CTNNBIP1: variants seen among roughly 807,000 people sequenced by gnomAD.
CTNNBIP1 encodes the protein beta-catenin-interacting protein 1.
In CTNNBIP1, 7 loss-of-function variants were observed where a neutral mutation model predicts 11.8. The ratio of observed to expected loss-of-function variants is 0.60; its 90% CI spans 0.34 to 1.12. CTNNBIP1 has a LOEUF of 1.12. Ranked by LOEUF, CTNNBIP1 falls within the 50% of genes most tolerant of loss-of-function variation. The pLI, the probability that CTNNBIP1 is intolerant of heterozygous loss-of-function variation, is 0.03. For missense variants in CTNNBIP1, 101 were observed against 113.4 expected (o/e 0.89, Z 0.50); for synonymous variants, 58 against 43.9 (o/e 1.32, Z -1.26).
At chr1:9,888,186 T>C (rs191010604) in intron 1 of CTNNBIP1, among the ~76,000 whole-genome samples, 389 of 152,006 alleles carry the variant, frequency 2.6e-3, no homozygotes, top group Non-Finnish European at 4.7e-3. Flanking sequence ...ATCCCAACGC[T>C]TTGGGAGGCT....
chr1:9,894,367 G>GC (rs901164757), intron 1 of CTNNBIP1, among the ~76,000 whole-genome samples: 79 of 152,268 alleles, frequency 5.2e-4, no homozygotes, highest in Non-Finnish European at 8.2e-4. Flanking sequence ...GTTTGGTTTT[G>GC]TTTTTTGAAA....
intron 1 of CTNNBIP1, among the ~76,000 whole-genome samples, chr1:9,888,540 A>C (rs1403136597): frequency 6.6e-6 from 1 of 151,460 alleles, no homozygotes; most frequent in Non-Finnish European, 1.5e-5. Flanking sequence ...TGACAGAGCA[A>C]GACTGCCTCA....
intron 5 of CTNNBIP1, among the ~76,000 whole-genome samples, chr1:9,868,140 C>T (rs1638786286): frequency 6.6e-6 from 1 of 152,220 alleles, no homozygotes; most frequent in South Asian, 2.1e-4. Context: ...GTGGCTCAGG[C>T]CCCGGCAGCC....
intron 5 of CTNNBIP1, among the ~76,000 whole-genome samples, chr1:9,863,413 C>T (rs552306777): frequency 6.6e-6 from 1 of 152,258 alleles, no homozygotes; most frequent in Non-Finnish European, 1.5e-5. Context: ...AGTCTGTTAC[C>T]GCCTGGAGCC....
At chr1:9,881,803 T>C (rs1639088513) in intron 2 of CTNNBIP1, among the ~76,000 whole-genome samples, 1 of 152,182 alleles carries the variant, frequency 6.6e-6, no homozygotes, top group Admixed American at 6.5e-5. Flanking sequence ...AAGGATTTAC[T>C]GAAACTTTTC....
intron 2 of CTNNBIP1, among the ~76,000 whole-genome samples, chr1:9,881,128 C>G (rs1639071566): frequency 6.6e-6 from 1 of 152,012 alleles, no homozygotes; most frequent in Non-Finnish European, 1.5e-5. Context: ...CTTGAACTCC[C>G]TAGCTCAAGC....
At position 9,884,759 on chromosome 1, in the gene CTNNBIP1, TG is replaced by T. The variant is rs1425898014; in HGVS notation, c.-143-1022del. 2.6e-5 allele frequency among the ~76,000 whole-genome samples: 4 copies of T among 152,050 alleles called. No individual in the cohort carries two copies. In the East Asian group the frequency reaches 5.8e-4, roughly 22 times the overall value. ...TAGCACACAGGAAAAAGACAGGTGC[TG>T]GGGCCAACCCGCGGGTGAGTGGGAA... On this transcript the variant is annotated intron_variant, in intron 1 of 5. Coordinates refer to ENST00000377263, the MANE Select transcript of CTNNBIP1 (RefSeq NM_020248.3).
rs925241390 is a variant in CTNNBIP1, at chr1:9,850,394, C to G, written c.*324G>C. ...GAGCTCGGAGAGCTTCCAGGGAAGCCAGATACCGAGGCGCAAATTTTTTAA... is the reference window on the plus strand; with the variant it reads ...GAGCTCGGAGAGCTTCCAGGGAAGCGAGATACCGAGGCGCAAATTTTTTAA... On this transcript the variant is annotated 3_prime_UTR_variant, in exon 6 of 6. Coordinates refer to ENST00000377263, the MANE Select transcript of CTNNBIP1 (RefSeq NM_020248.3). 1.3e-5 allele frequency: 3 copies of G among 238,252 alleles called. No individual in the cohort carries two copies. The highest frequency in any genetic ancestry group is 6.8e-5 in the African/African-American group (3 of 44,272). 14.8% of individuals were successfully genotyped at this position (238,252 alleles called of 1,614,324 possible). A position where few individuals can be genotyped will look rare whatever the true frequency, so the allele number is the denominator to read the frequency against.
intron 5 of CTNNBIP1, among the ~76,000 whole-genome samples, chr1:9,855,889 G>A (rs1376974638): frequency 6.6e-6 from 1 of 151,830 alleles, no homozygotes; most frequent in Non-Finnish European, 1.5e-5. Flanking sequence ...TGCTACACTC[G>A]GCTAATTAAT....
intron 5 of CTNNBIP1, among the ~76,000 whole-genome samples, chr1:9,858,040 G>C (rs1001526341): frequency 1.3e-5 from 2 of 151,994 alleles, no homozygotes; most frequent in Non-Finnish European, 2.9e-5. Flanking sequence ...GAAGTCCTGG[G>C]GTCTTCCCAA....
intron 1 of CTNNBIP1, among the ~76,000 whole-genome samples, chr1:9,891,522 C>T (rs1397726544): frequency 2.0e-5 from 3 of 152,180 alleles, no homozygotes; most frequent in Non-Finnish European, 4.4e-5. Context: ...GGATCGGCTG[C>T]AGGACTGTGC....
In CTNNBIP1 at chr1:9,850,630, A is replaced by AT; in HGVS notation, c.*87_*88insA. The stretch of plus-strand genomic sequence containing the variant: ...GGTAGGGGAAGGGGGAGGTGGGGCA[A>AT]GGGGGGCTGCTGCCACTCAGCCGGC... On this transcript the variant is annotated 3_prime_UTR_variant, in exon 6 of 6. Transcript: ENST00000377263. 8.6e-7 allele frequency: 1 copy of AT among 1,158,698 alleles called. No individual in the cohort carries two copies. Among genetic ancestry groups the AT allele is most frequent in the Admixed American group, 1.8e-5 (1 of 55,730 alleles). 71.8% of individuals were successfully genotyped at this position (1,158,698 alleles called of 1,614,324 possible). A position where few individuals can be genotyped will look rare whatever the true frequency, so the allele number is the denominator to read the frequency against.
intron 5 of CTNNBIP1, among the ~76,000 whole-genome samples, chr1:9,869,593 G>A (rs1467531803): frequency 6.6e-6 from 1 of 152,156 alleles, no homozygotes; most frequent in Admixed American, 6.5e-5. Flanking sequence ...CCAAAATGCT[G>A]GGATTACAGC....
rs1040796879 is a variant in CTNNBIP1 at position 9,867,911 on chromosome 1, G to T, written c.187+3276C>A. Among the ~76,000 whole-genome samples, 2 of 152,240 alleles carry T rather than the reference G, an allele frequency of 1.3e-5. No individual in the cohort carries two copies. Among genetic ancestry groups the T allele is most frequent in the African/African-American group, 4.8e-5 (2 of 41,472 alleles). ...TAACAGAGATCCATTTGCCCACATG[G>T]CACAGGCAGATGCAGGGTCCTGCCC... On this transcript the variant is annotated intron_variant, in intron 5 of 5. Coordinates refer to ENST00000377263, the MANE Select transcript of CTNNBIP1 (RefSeq NM_020248.3). This position sits in a 1 kb window ranked among gnomAD's most constrained non-coding sequence, Gnocchi z 4.6.
chr1:9,854,790 C>T (rs1300970084), intron 5 of CTNNBIP1, among the ~76,000 whole-genome samples: 1 of 152,134 alleles, frequency 6.6e-6, no homozygotes, highest in African/African-American at 2.4e-5. Context: ...AATCCTACCA[C>T]CTCAACCTCC....
Position 9,850,794 on chromosome 1 carries a change from A to G in CTNNBIP1, c.188-18T>C. On this transcript the variant is annotated intron_variant, in intron 5 of 5. Transcript: ENST00000377263. ...CTCTGCACCTGCAGATAAGGCGACAAGGATCGCTGATGGGGCTTGCAGCAT... is the reference window on the plus strand; with the variant it reads ...CTCTGCACCTGCAGATAAGGCGACAGGGATCGCTGATGGGGCTTGCAGCAT... The G allele has an allele frequency of 6.2e-7, 1 of 1,613,382 alleles. No homozygotes were observed. Among genetic ancestry groups the G allele is most frequent in the Non-Finnish European group, 8.5e-7 (1 of 1,179,458 alleles).
chr1:9,857,637 C>G (rs1378211852), intron 5 of CTNNBIP1, among the ~76,000 whole-genome samples: 1 of 152,040 alleles, frequency 6.6e-6, no homozygotes, highest in African/African-American at 2.4e-5. Context: ...CCCGTATCTA[C>G]TAAAAATACA....
intron 1 of CTNNBIP1, among the ~76,000 whole-genome samples, chr1:9,897,619 T>A (rs1202668764): frequency 1.3e-5 from 2 of 150,922 alleles, no homozygotes; most frequent in African/African-American, 4.9e-5. Context: ...GCTATTGCAC[T>A]CCAGCCTGGG....
intron 1 of CTNNBIP1, among the ~76,000 whole-genome samples, chr1:9,903,936 C>A (rs1391873738): frequency 6.6e-6 from 1 of 152,138 alleles, no homozygotes; most frequent in African/African-American, 2.4e-5. Context: ...TGATTCTGTT[C>A]CCAACTAGCT....
Sources: gnomAD v4.1 joint callset for allele counts (sites outside exome capture counted in the v4.1 genomes callset) on GRCh38, gnomAD v4.1.1 for gene constraint, Gnocchi (gnomAD v3.1) non-coding constraint, MANE v1.5 for transcripts, NCBI Gene and HGNC (gene_info 2026-07-23, HGNC 2026-07-21) for gene names.